AHCTF1: variants seen among roughly 807,000 people sequenced by gnomAD.
The protein encoded by AHCTF1 is AT-hook containing transcription factor 1.
Under a neutral mutation model 248.4 loss-of-function variants are expected in AHCTF1, and 24 were observed. The ratio of observed to expected loss-of-function variants is 0.10; its 90% confidence interval spans 0.07 to 0.14. The LOEUF is 0.14. AHCTF1 is among the 10% of genes least tolerant of loss of function. The pLI is 1.00. For missense variants in AHCTF1, 2,206 were observed against 2,636.2 expected, an observed-to-expected ratio of 0.84 and a Z score of 3.57; for synonymous variants, 786 against 929.8, an observed-to-expected ratio of 0.85 and a Z score of 2.81.
intron 1 of AHCTF1, among the ~76,000 whole-genome samples, chr1:246,925,958 G>C (rs973932062): frequency 1.3e-5 from 2 of 151,244 alleles, no homozygotes; most frequent in African/African-American, 4.9e-5. Context: ...CCAGCTACTG[G>C]GATTGCTTGA....
At chr1:246,930,259 C>G (rs992932377) in intron 1 of AHCTF1, among the ~76,000 whole-genome samples, 1 of 152,184 alleles carries the variant, frequency 6.6e-6, no homozygotes, top group Non-Finnish European at 1.5e-5. Flanking sequence ...AACGTTCCCC[C>G]CGCCTCAGCC....
rs1558276410 is a variant in AHCTF1 at position 246,916,197 on chromosome 1, C to A, written c.320G>T (p.Cys107Phe). Residue 107 changes from cysteine (C) to phenylalanine (F), a missense_variant, in exon 3 of 36, where the codon TGT becomes TTT. Coordinates refer to ENST00000648844, the MANE Select transcript of AHCTF1 (RefSeq NM_001323342.2). ...TTTTGATATTCCAAGGTCATAAAGACAGAGAACACTCCCTTCTGTTTCTTC... is the reference window on the plus strand; with the variant it reads ...TTTTGATATTCCAAGGTCATAAAGAAAGAGAACACTCCCTTCTGTTTCTTC... ...GLEETEGSVLCLYDLGISKVV... is the reference protein window; with the variant it reads ...GLEETEGSVLFLYDLGISKVV... 2 of 1,610,932 alleles carry A rather than the reference C, an allele frequency of 1.2e-6. No homozygotes were observed. The highest frequency in any genetic ancestry group is 1.7e-6 in the Non-Finnish European group (2 of 1,177,706).
chr1:246,912,181 T>TA (rs1011449217), intron 4 of AHCTF1, among the ~76,000 whole-genome samples: 6 of 152,078 alleles, frequency 3.9e-5, no homozygotes, highest in African/African-American at 1.4e-4. Flanking sequence ...AGGCTTGCTT[T>TA]AAAAATCAAG....
intron 29 of AHCTF1, 140 bp downstream of exon 29, chr1:246,860,759 G>C (rs1661478518): frequency 8.8e-7 from 1 of 1,140,822 alleles, no homozygotes; most frequent in South Asian, 1.7e-5. Flanking sequence ...TCCAGCCTCA[G>C]CCTCCCAAAG....
At chr1:246,879,413 T>C (rs954515376) in intron 21 of AHCTF1, among the ~76,000 whole-genome samples, 1 of 152,158 alleles carries the variant, frequency 6.6e-6, no homozygotes, top group African/African-American at 2.4e-5. Flanking sequence ...GCAAACATCC[T>C]TTCACCCTAG....
chr1:246,876,765 G>GT (rs754351955), intron 23 of AHCTF1, among the ~76,000 whole-genome samples, 185 bp downstream of exon 23: 1 of 152,116 alleles, frequency 6.6e-6, no homozygotes, highest in African/African-American at 2.4e-5. Flanking sequence ...AATGGCATAC[G>GT]TAAAAGAATT....
At chr1:246,863,586 TAGA>T (rs1158932054) in intron 27 of AHCTF1, among the ~76,000 whole-genome samples, 1 of 152,130 alleles carries the variant, frequency 6.6e-6, no homozygotes, top group African/African-American at 2.4e-5. Context: ...TAGCATTTGA[TAGA>T]AGAAATAACA....
Position 246,892,301 on chromosome 1 carries a change from C to CTTT in AHCTF1, c.1805-385_1805-383dup, listed in dbSNP as rs74163502. 4.4e-3 allele frequency among the ~76,000 whole-genome samples: 287 copies of CTTT among 64,968 alleles called. 36 individuals are homozygous for CTTT. Among genetic ancestry groups the CTTT allele is most frequent in the East Asian group, 9.8e-3 (18 of 1,834 alleles). The allele number at this position is 64,968 out of a possible 152,430, so 42.6% of individuals were successfully genotyped here. On this transcript the variant is annotated intron_variant, in intron 14 of 35. Transcript: ENST00000648844. ...TTAAATCAAATTCTAATTTGTTTTA[C>CTTT]TTTTTTTTTTTTTTTTTTTTTTTTT...
At chr1:246,920,994 A>G (rs1480016842) in intron 1 of AHCTF1, among the ~76,000 whole-genome samples, 2 of 151,530 alleles carry the variant, frequency 1.3e-5, no homozygotes, top group African/African-American at 4.9e-5. Flanking sequence ...CAGGAGGCTG[A>G]GGCAGGAGAA....
chr1:246,920,142 CAAAAAAAAAAAAAA>C (rs68194249), intron 1 of AHCTF1, among the ~76,000 whole-genome samples: 6 of 40,782 alleles, frequency 1.5e-4, no homozygotes, highest in East Asian at 9.4e-4. Flanking sequence ...CTGTCCCCCG[CAAAAAAAAAAAAAA>C]AAAAAAAAAA....
intron 29 of AHCTF1, 128 bp downstream of exon 29, chr1:246,860,771 G>A: frequency 7.9e-7 from 1 of 1,267,232 alleles, no homozygotes; most frequent in East Asian, 2.4e-5. Context: ...CTCCCAAAGT[G>A]CTGAGATTAA....
chr1:246,888,481 T>A lies in AHCTF1; in HGVS notation c.2181A>T (p.Gly727=). 6.2e-7 allele frequency: 1 copy of A among 1,613,774 alleles called. No individual in the cohort carries two copies. Among genetic ancestry groups the A allele is most frequent in the Non-Finnish European group, 8.5e-7 (1 of 1,179,986 alleles). The change falls in exon 18 of 36, where the codon GGA becomes GGT. Residue 727 remains glycine (G), a synonymous_variant. Transcript: ENST00000648844. The part of the protein sequence containing the change: ...KWNPDCLMID[G]LVSQLGERIE... ...TTCGCTCTCCTAACTGAGAAACCAGTCCATCAATCATCAAGCAATCGGGAT... is the reference window on the plus strand; with the variant it reads ...TTCGCTCTCCTAACTGAGAAACCAGACCATCAATCATCAAGCAATCGGGAT...
intron 27 of AHCTF1, among the ~76,000 whole-genome samples, chr1:246,863,586 T>C (rs1558225213): frequency 6.6e-6 from 1 of 152,130 alleles, no homozygotes. Context: ...TAGCATTTGA[T>C]AGAAGAAATA....
intron 24 of AHCTF1, among the ~76,000 whole-genome samples, chr1:246,869,268 C>CT (rs1023970288): frequency 2.0e-5 from 3 of 152,148 alleles, no homozygotes; most frequent in African/African-American, 7.2e-5. Context: ...GCGTCTCTCC[C>CT]TTTCCCCGAG....
chr1:246,894,527 G>C, intron 14 of AHCTF1, 132 bp downstream of exon 14: 3 of 748,634 alleles, frequency 4.0e-6, no homozygotes, highest in South Asian at 4.1e-5. Context: ...TGGCGACAGA[G>C]CAAGACTCAG....
intron 10 of AHCTF1, among the ~76,000 whole-genome samples, chr1:246,899,849 CAT>C (rs1270566479): frequency 2.7e-5 from 4 of 150,928 alleles, no homozygotes; most frequent in Admixed American, 1.3e-4. Context: ...CTTTATAAAA[CAT>C]ATAAATACTA....
rs763995889 is a variant in AHCTF1, at chr1:246,887,369, C to G, written c.2326-12G>C. ...AGCAAATAAATGGTCTTTTAAAAAG[C>G]GGATTAAGGACAATAAAATACAACA... On this transcript the variant is annotated splice_polypyrimidine_tract_variant and intron_variant, in intron 19 of 35. Transcript: ENST00000648844. 1 of 1,600,252 alleles carries G rather than the reference C, an allele frequency of 6.2e-7. No homozygotes were observed. The highest frequency in any genetic ancestry group is 1.7e-5 in the Admixed American group (1 of 57,612).
intron 11 of AHCTF1, among the ~76,000 whole-genome samples, chr1:246,899,217 A>G (rs1174583860): frequency 6.6e-6 from 1 of 152,046 alleles, no homozygotes; most frequent in East Asian, 1.9e-4. Context: ...AGAAAGCTTG[A>G]GGTTCACGTA....
chr1:246,922,788 C>G (rs1190932853), intron 1 of AHCTF1, among the ~76,000 whole-genome samples: 7 of 150,806 alleles, frequency 4.6e-5, no homozygotes, highest in East Asian at 2.0e-4. Flanking sequence ...CGAGACCATC[C>G]TGGATAACAC....
Sources: allele counts gnomAD v4.1 joint callset (sites outside exome capture counted in the v4.1 genomes callset), GRCh38; gene constraint gnomAD v4.1.1; transcripts MANE v1.5; gene names NCBI Gene and HGNC (gene_info 2026-07-23, HGNC 2026-07-21).